The following LUZP2 variants were observed in gnomAD, a reference collection of about 807,000 sequenced individuals.
LUZP2 encodes the protein leucine zipper protein 2.
A neutral mutation model predicts 51.6 loss-of-function variants in LUZP2; 52 were observed. The ratio of observed to expected loss-of-function variants is 1.01; its 90% CI spans 0.81 to 1.27. LUZP2 has a LOEUF of 1.27. Among genes scored for constraint, LUZP2 ranks in the 50% most tolerant of loss-of-function variants. The pLI is 0.00. For synonymous variants in LUZP2, 154 were observed against 137.3 expected, an observed-to-expected ratio of 1.12 and a Z score of -0.85; for missense variants, 436 against 395.4, an observed-to-expected ratio of 1.10 and a Z score of -0.87.
At chr11:24,509,456 A>G (rs1850239224) in intron 1 of LUZP2, among the ~76,000 whole-genome samples, 1 of 149,352 alleles carries the variant, frequency 6.7e-6, no homozygotes, top group Non-Finnish European at 1.5e-5. Context: ...TATGGTATAT[A>G]TTATATATGG....
At chr11:24,981,262 C>T (rs911163831) in intron 8 of LUZP2, among the ~76,000 whole-genome samples, 4 of 151,750 alleles carry the variant, frequency 2.6e-5, no homozygotes, top group Non-Finnish European at 4.4e-5. Flanking sequence ...GTGGGCAATT[C>T]GGACCTGAGG....
intron 1 of LUZP2, among the ~76,000 whole-genome samples, chr11:24,510,017 A>C (rs1250803101): frequency 6.6e-6 from 1 of 152,220 alleles, no homozygotes; most frequent in Admixed American, 6.5e-5. Flanking sequence ...ATACATGCTC[A>C]TAACTCCTCA....
chr11:24,619,198 A>G (rs1184243502), intron 1 of LUZP2, among the ~76,000 whole-genome samples: 1 of 151,584 alleles, frequency 6.6e-6, no homozygotes, highest in East Asian at 1.9e-4. Context: ...CTGGCTAATT[A>G]TTTTTCTTTA....
intron 1 of LUZP2, among the ~76,000 whole-genome samples, chr11:24,511,894 G>T (rs188759259): frequency 3.3e-5 from 5 of 151,964 alleles, no homozygotes; most frequent in African/African-American, 4.8e-5. Flanking sequence ...TCTTATTTAG[G>T]CTAACCTCAG....
At chr11:24,497,381 T>C in intron 1 of LUZP2, 76 bp downstream of exon 1, 1 of 1,151,654 alleles carries the variant, frequency 8.7e-7, no homozygotes. Flanking sequence ...GGGTCACCAG[T>C]GGGGGCCAAG....
chr11:25,032,998 G>A (rs1008772841), intron 9 of LUZP2, among the ~76,000 whole-genome samples: 1 of 152,126 alleles, frequency 6.6e-6, no homozygotes, highest in African/African-American at 2.4e-5. Context: ...AATCCCATAA[G>A]AAGGTTTGCT....
chr11:24,988,453 A>C (rs10834564), intron 9 of LUZP2, among the ~76,000 whole-genome samples: 139,003 of 151,982 alleles, frequency 0.91, 64,815 homozygotes, highest in Non-Finnish European at 1. Flanking sequence ...GAGATAAAAT[A>C]ATGTTTCCTC....
At chr11:24,572,337 A>G (rs1326978030) in intron 1 of LUZP2, among the ~76,000 whole-genome samples, 1 of 152,034 alleles carries the variant, frequency 6.6e-6, no homozygotes, top group Non-Finnish European at 1.5e-5. Flanking sequence ...TATTTCAATC[A>G]TATTATATAA....
At chr11:24,577,236 C>G (rs1045949595) in intron 1 of LUZP2, among the ~76,000 whole-genome samples, 1 of 151,682 alleles carries the variant, frequency 6.6e-6, no homozygotes, top group East Asian at 1.9e-4. Flanking sequence ...TTTGTAAGTA[C>G]GAATTCTTAT....
At chr11:24,577,912 G>T (rs1260363838) in intron 1 of LUZP2, among the ~76,000 whole-genome samples, 1 of 152,034 alleles carries the variant, frequency 6.6e-6, no homozygotes, top group East Asian at 1.9e-4. Context: ...GTTTTATTTT[G>T]CTCAAATGAT....
chr11:25,049,423 G>T (rs1858421824), intron 9 of LUZP2, among the ~76,000 whole-genome samples: 1 of 151,992 alleles, frequency 6.6e-6, no homozygotes. Flanking sequence ...ACCCTTCTCT[G>T]ACCAGAACTA....
chr11:24,883,290 C>T (rs867485254), intron 5 of LUZP2, among the ~76,000 whole-genome samples: 2 of 138,552 alleles, frequency 1.4e-5, no homozygotes, highest in Non-Finnish European at 3.0e-5. Flanking sequence ...ACAAGACATG[C>T]CCCTTATTAG....
At chr11:24,960,462 T>A (rs1165896301) in intron 7 of LUZP2, among the ~76,000 whole-genome samples, 1 of 138,834 alleles carries the variant, frequency 7.2e-6, no homozygotes, top group Non-Finnish European at 1.6e-5. Context: ...TTCAACTTCT[T>A]CCTGGTTTAG....
intron 10 of LUZP2, among the ~76,000 whole-genome samples, chr11:25,074,587 A>T (rs2134059650): frequency 6.6e-6 from 1 of 152,270 alleles, no homozygotes; most frequent in African/African-American, 2.4e-5. Context: ...TTTCCTCATG[A>T]CAATGACCTC....
intron 7 of LUZP2, among the ~76,000 whole-genome samples, chr11:24,945,477 A>G (rs1388886576): frequency 1.3e-5 from 2 of 150,298 alleles, no homozygotes; most frequent in Non-Finnish European, 2.9e-5. Flanking sequence ...ATTCCACACT[A>G]TCAAAAGAAG....
At chr11:24,969,357 A>G (rs1228358697) in intron 7 of LUZP2, among the ~76,000 whole-genome samples, 2 of 152,190 alleles carry the variant, frequency 1.3e-5, no homozygotes, top group South Asian at 2.1e-4. Flanking sequence ...AATTTAAGAA[A>G]AAATATTTCT....
At chr11:24,963,886 C>A (rs576324057) in intron 7 of LUZP2, among the ~76,000 whole-genome samples, 3 of 152,304 alleles carry the variant, frequency 2.0e-5, no homozygotes, top group African/African-American at 7.2e-5. Flanking sequence ...TAGACCGGAG[C>A]TGTTCCTATT....
intron 10 of LUZP2, among the ~76,000 whole-genome samples, chr11:25,054,920 T>G (rs1858631445): frequency 6.9e-6 from 1 of 144,292 alleles, no homozygotes; most frequent in African/African-American, 2.6e-5. Flanking sequence ...TTGCAAATAA[T>G]AAGACCAAAA....
At chr11:24,581,126 T>G (rs1852837288) in intron 1 of LUZP2, among the ~76,000 whole-genome samples, 1 of 149,150 alleles carries the variant, frequency 6.7e-6, no homozygotes, top group South Asian at 2.1e-4. Flanking sequence ...ATAGAAAGCC[T>G]AGCACCATTA....
Sources: allele counts gnomAD v4.1 joint callset (sites outside exome capture counted in the v4.1 genomes callset), GRCh38; gene constraint gnomAD v4.1.1; transcripts MANE v1.5; gene names NCBI Gene and HGNC (gene_info 2026-07-23, HGNC 2026-07-21).